The following SORBS2 variants were observed in gnomAD, a reference collection of about 807,000 sequenced individuals.
The protein encoded by SORBS2 is sorbin and SH3 domain-containing protein 2.
Under a neutral mutation model 97.7 loss-of-function variants are expected in SORBS2, and 46 were observed. The ratio of observed to expected loss-of-function variants is 0.47; its 90% confidence interval spans 0.37 to 0.60. The LOEUF (loss-of-function observed/expected upper bound fraction) is 0.60. SORBS2 is among the 20% of genes least tolerant of loss of function. The pLI, the probability that SORBS2 is intolerant of heterozygous loss-of-function variation, is 0.00. For missense variants in SORBS2, 1,316 were observed against 1,282.3 expected, an observed-to-expected ratio of 1.03 and a Z score of -0.40; for synonymous variants, 476 against 473.4, an observed-to-expected ratio of 1.01 and a Z score of -0.07.
chr4:185,713,742 G>A (rs6812761), intron 2 of SORBS2, among the ~76,000 whole-genome samples: 120,129 of 152,184 alleles, frequency 0.79, 48,397 homozygotes, highest in Non-Finnish European at 0.89. Context: ...AATTTAGTGA[G>A]TAGAATCTGT....
intron 1 of SORBS2, among the ~76,000 whole-genome samples, chr4:185,861,198 A>G (rs996475747): frequency 6.6e-6 from 1 of 151,858 alleles, no homozygotes; most frequent in Non-Finnish European, 1.5e-5. Flanking sequence ...GTAGGAGGGT[A>G]TAAGGAGGGA....
chr4:185,889,737 T>C (rs2099241512), intron 1 of SORBS2, among the ~76,000 whole-genome samples: 1 of 152,134 alleles, frequency 6.6e-6, no homozygotes. Context: ...AACATCTATA[T>C]AATTTATTGT....
chr4:185,637,699 T>C (rs1235905372), intron 4 of SORBS2, among the ~76,000 whole-genome samples: 2 of 152,070 alleles, frequency 1.3e-5, no homozygotes, highest in Non-Finnish European at 2.9e-5. Context: ...TGATGTTTGC[T>C]CAGCAAACAG....
chr4:185,605,031 T>C (rs2101307), intron 12 of SORBS2, among the ~76,000 whole-genome samples: 129,613 of 152,164 alleles, frequency 0.85, 55,715 homozygotes, highest in East Asian at 0.92. Flanking sequence ...TTGAAAGGAA[T>C]ATTAGTTACT....
At chr4:185,753,330 C>A (rs1236723594) in intron 2 of SORBS2, among the ~76,000 whole-genome samples, 1 of 152,054 alleles carries the variant, frequency 6.6e-6, no homozygotes, top group Non-Finnish European at 1.5e-5. Context: ...AAGATAGATG[C>A]GGCTAGAAAG....
chr4:185,609,527 G>T, intron 12 of SORBS2, among the ~76,000 whole-genome samples: 1 of 152,116 alleles, frequency 6.6e-6, no homozygotes, highest in Admixed American at 6.5e-5. Flanking sequence ...TGCTTATACC[G>T]AAAGCCAAAT....
intron 13 of SORBS2, among the ~76,000 whole-genome samples, chr4:185,591,208 C>T (rs2095923424): frequency 6.6e-6 from 1 of 152,184 alleles, no homozygotes; most frequent in East Asian, 1.9e-4. Context: ...TGCCTAACAA[C>T]ATCCCCTAGA....
intron 1 of SORBS2, among the ~76,000 whole-genome samples, chr4:185,782,152 A>G (rs1349274503): frequency 6.6e-6 from 1 of 152,202 alleles, no homozygotes; most frequent in Non-Finnish European, 1.5e-5. Context: ...TTGGTTCTAT[A>G]TTTATCAGAA....
chr4:185,613,844 A>G (rs2096584565), intron 11 of SORBS2, among the ~76,000 whole-genome samples: 3 of 152,028 alleles, frequency 2.0e-5, no homozygotes, highest in Non-Finnish European at 4.4e-5. Flanking sequence ...GGGGCAGCCC[A>G]GAGGATAGGA....
intron 4 of SORBS2, among the ~76,000 whole-genome samples, chr4:185,641,792 C>T (rs750229210): frequency 9.3e-5 from 14 of 150,886 alleles, no homozygotes; most frequent in African/African-American, 3.2e-4. Context: ...AGCAAACCTC[C>T]GTTTAAAACT....
intron 2 of SORBS2, among the ~76,000 whole-genome samples, chr4:185,752,489 G>A (rs2098807109): frequency 6.6e-6 from 1 of 152,282 alleles, no homozygotes; most frequent in South Asian, 2.1e-4. Flanking sequence ...TGTTGGCCAG[G>A]ATGGTCTCGA....
chr4:185,740,083 C>T lies in SORBS2; in HGVS notation c.-198+35144G>A, dbSNP rs906676868. 3.1e-4 allele frequency: 48 copies of T among 152,740 alleles called. 2 individuals are homozygous for T. Among genetic ancestry groups the T allele is most frequent in the Non-Finnish European group, 5.9e-5 (4 of 68,026 alleles). The allele number at this position is 152,740 out of a possible 1,614,324, so 9.5% of individuals were successfully genotyped here. On this transcript the variant is annotated intron_variant, in intron 2 of 20. Transcript: ENST00000284776. Reference sequence around the variant, plus strand: ...TCCTAGGAATGGCAAATCAGCATCGCGATGCCCTCAAACCAGAAATAATAC... The same window carrying T: ...TCCTAGGAATGGCAAATCAGCATCGTGATGCCCTCAAACCAGAAATAATAC...
chr4:185,849,093 C>T (rs1447118272), intron 1 of SORBS2, among the ~76,000 whole-genome samples: 3 of 152,138 alleles, frequency 2.0e-5, no homozygotes, highest in South Asian at 2.1e-4. Context: ...GTTAGAACCA[C>T]CTCTTATATA....
chr4:185,691,767 A>AC (rs1310677819), intron 2 of SORBS2, among the ~76,000 whole-genome samples: 2 of 151,564 alleles, frequency 1.3e-5, no homozygotes, highest in African/African-American at 4.8e-5. Flanking sequence ...TTTTTTTGAG[A>AC]TGAGTCTCGC....
chr4:185,780,745 C>T (rs1270724242), intron 1 of SORBS2, among the ~76,000 whole-genome samples: 4 of 152,112 alleles, frequency 2.6e-5, no homozygotes, highest in Admixed American at 6.5e-5. Context: ...TAAGTAAATA[C>T]TTTTTAGTAG....
At chr4:185,749,461 G>GA (rs34842663) in intron 2 of SORBS2, among the ~76,000 whole-genome samples, 1 of 151,936 alleles carries the variant, frequency 6.6e-6, no homozygotes, top group African/African-American at 2.4e-5. Context: ...TGACAAGAAA[G>GA]AAAAAAAACT....
intron 2 of SORBS2, among the ~76,000 whole-genome samples, chr4:185,751,276 G>C (rs952264957): frequency 6.6e-6 from 1 of 150,578 alleles, no homozygotes; most frequent in African/African-American, 2.4e-5. Flanking sequence ...GAAGCATGTA[G>C]GTGGCTAAGT....
chr4:185,864,748 TA>T (rs781624055), intron 1 of SORBS2, among the ~76,000 whole-genome samples: 1 of 151,858 alleles, frequency 6.6e-6, no homozygotes, highest in Non-Finnish European at 1.5e-5. Context: ...CTGTCTCTAC[TA>T]AAAACACAAA....
chr4:185,775,360 C>G (rs975520437), exon 2 of SORBS2: 2 of 152,452 alleles, frequency 1.3e-5, no homozygotes, highest in African/African-American at 4.8e-5. Flanking sequence ...AAGTCCAATC[C>G]AAGTGTCTGA....
Sources: allele counts gnomAD v4.1 joint callset (sites outside exome capture counted in the v4.1 genomes callset), GRCh38; gene constraint gnomAD v4.1.1; transcripts MANE v1.5; gene names NCBI Gene and HGNC (gene_info 2026-07-23, HGNC 2026-07-21).